Variants in MARCHF1 observed in about 807,000 individuals in gnomAD.
MARCHF1 encodes E3 ubiquitin-protein ligase MARCHF1.
MARCHF1 carries 40 observed loss-of-function variants against 54.2 expected under a neutral mutation model. That is an observed-to-expected ratio of 0.74 (90% CI 0.57 to 0.96). The LOEUF (loss-of-function observed/expected upper bound fraction) is 0.96, where lower values mean the gene tolerates loss of function less well. MARCHF1 is among the 40% of genes least tolerant of loss of function. The probability of loss-of-function intolerance (pLI) is 0.00; values close to 1 mark genes in which losing one functional copy is unlikely to be tolerated. For synonymous variants in MARCHF1, 236 were observed against 236.3 expected, an observed-to-expected ratio of 1.00 and a Z score of 0.01; for missense variants, 586 against 656.5, an observed-to-expected ratio of 0.89 and a Z score of 1.17.
chr4:163,607,350 C>A (rs760065882), intron 7 of MARCHF1, among the ~76,000 whole-genome samples: 3 of 152,012 alleles, frequency 2.0e-5, no homozygotes, highest in Non-Finnish European at 4.4e-5. Context: ...AAACTAGTAT[C>A]TGGAGAAAGA....
intron 1 of MARCHF1, among the ~76,000 whole-genome samples, chr4:164,126,234 C>G (rs1046376800): frequency 1.3e-5 from 2 of 152,044 alleles, no homozygotes; most frequent in African/African-American, 4.8e-5. Flanking sequence ...AGGGCAGAGC[C>G]CTCATGAATG....
intron 1 of MARCHF1, among the ~76,000 whole-genome samples, chr4:164,350,437 G>A (rs1052083033): frequency 6.6e-6 from 1 of 152,108 alleles, no homozygotes; most frequent in Non-Finnish European, 1.5e-5. Flanking sequence ...AGTGTTCTAT[G>A]ACACCATAGG....
intron 1 of MARCHF1, among the ~76,000 whole-genome samples, chr4:164,154,315 C>A (rs1730019318): frequency 6.6e-6 from 1 of 152,128 alleles, no homozygotes; most frequent in Non-Finnish European, 1.5e-5. Flanking sequence ...AGAAATGGAA[C>A]AAAGTCTAAA....
At chr4:163,723,672 A>T (rs1043196736) in intron 4 of MARCHF1, among the ~76,000 whole-genome samples, 1 of 152,144 alleles carries the variant, frequency 6.6e-6, no homozygotes, top group Non-Finnish European at 1.5e-5. Flanking sequence ...AAACAGATGT[A>T]GATTTGGTCT....
chr4:163,632,906 G>T (rs958710142), intron 5 of MARCHF1, among the ~76,000 whole-genome samples: 1 of 152,012 alleles, frequency 6.6e-6, no homozygotes, highest in African/African-American at 2.4e-5. Context: ...ATCTGAGAAC[G>T]GGCAGACTGC....
chr4:163,766,518 GCA>G (rs1561065815), intron 4 of MARCHF1, among the ~76,000 whole-genome samples: 1 of 152,118 alleles, frequency 6.6e-6, no homozygotes, highest in Non-Finnish European at 1.5e-5. Flanking sequence ...CAATATATTT[GCA>G]CAGACTCTGT....
In MARCHF1 at chr4:163,749,071, CT is replaced by C. The variant is rs372018311; in HGVS notation, c.112-48209del. On this transcript the variant is annotated intron_variant, in intron 4 of 9. Transcript: ENST00000514618. The stretch of plus-strand genomic sequence containing the variant: ...TGTATCTTTTTATATTTATTTAAAT[CT>C]TTTTTTCCCTGTAGTTGCTCATTGT... Among the ~76,000 whole-genome samples, 84 of 152,058 alleles carry C rather than the reference CT, an allele frequency of 5.5e-4. No individual in the cohort carries two copies. The South Asian group carries it at 0.016, about 28-fold the overall frequency.
chr4:163,588,443 A>G (rs1367464186), intron 7 of MARCHF1, among the ~76,000 whole-genome samples: 2 of 152,214 alleles, frequency 1.3e-5, no homozygotes, highest in East Asian at 3.8e-4. Flanking sequence ...ATGACTTATT[A>G]CAAAAGCAGC....
chr4:163,667,630 CTT>C, intron 5 of MARCHF1, among the ~76,000 whole-genome samples: 1 of 146,028 alleles, frequency 6.8e-6, no homozygotes. Flanking sequence ...ATTATACAAA[CTT>C]TTTTTTTTTT....
intron 2 of MARCHF1, among the ~76,000 whole-genome samples, chr4:164,074,505 C>G (rs116619996): frequency 0.011 from 1,650 of 152,158 alleles, 25 homozygotes; most frequent in African/African-American, 0.037. Context: ...ATATAAATAG[C>G]ATAAAAATTC....
chr4:164,274,570 G>C lies in MARCHF1; in HGVS notation c.-323+109300C>G, dbSNP rs1407189931. On this transcript the variant is annotated intron_variant, in intron 1 of 9. Coordinates refer to ENST00000514618, the MANE Select transcript of MARCHF1 (RefSeq NM_001394959.1). ...GTTCATATTTGTCAGTGCAAGTAAA[G>C]AGACTTAGTGCTGATTAGGTTTGAG... 2.0e-5 allele frequency among the ~76,000 whole-genome samples: 3 copies of C among 148,694 alleles called. No individual in the cohort carries two copies. The East Asian group carries it at 6.0e-4, about 30-fold the overall frequency.
At chr4:164,082,025 A>C (rs1455809166) in intron 2 of MARCHF1, among the ~76,000 whole-genome samples, 1 of 152,162 alleles carries the variant, frequency 6.6e-6, no homozygotes, top group Non-Finnish European at 1.5e-5. Context: ...AATCCTGTCT[A>C]CCTTGCCAAC....
chr4:164,008,403 A>G (rs1177914337), intron 2 of MARCHF1, among the ~76,000 whole-genome samples: 1 of 152,046 alleles, frequency 6.6e-6, no homozygotes, highest in Admixed American at 6.6e-5. Flanking sequence ...TTAACACCAC[A>G]CTCTCAGTAA....
intron 2 of MARCHF1, chr4:163,988,952 T>C (rs1752920484): frequency 6.6e-6 from 1 of 152,162 alleles, no homozygotes; most frequent in African/African-American, 2.4e-5. Context: ...TGGTACCTAA[T>C]AACTGTCATG....
intron 2 of MARCHF1, among the ~76,000 whole-genome samples, chr4:164,045,155 T>TA (rs1754215201): frequency 6.6e-6 from 1 of 151,528 alleles, no homozygotes; most frequent in Non-Finnish European, 1.5e-5. Context: ...TAAACAACAA[T>TA]AAAAAAGGGC....
Position 163,610,392 on chromosome 4 carries a change from T to C in MARCHF1, c.1010+1879A>G, listed in dbSNP as rs143438497. Among the ~76,000 whole-genome samples, 198 of 152,234 alleles carry C rather than the reference T, an allele frequency of 1.3e-3. 1 individual carries two copies. Among genetic ancestry groups the C allele is most frequent in the Non-Finnish European group, 1.3e-3 (85 of 67,992 alleles). On this transcript the variant is annotated intron_variant, in intron 7 of 9. Transcript: ENST00000514618. ...ACCTATTGGCTCATCTATCTCACTT[T>C]CATTAATAGAAGTCTAAATTAAATA... is the stretch of plus-strand genomic sequence containing the variant.
At chr4:163,743,969 G>A (rs1288717457) in intron 4 of MARCHF1, among the ~76,000 whole-genome samples, 1 of 152,152 alleles carries the variant, frequency 6.6e-6, no homozygotes, top group Non-Finnish European at 1.5e-5. Context: ...CTGGTTAGGT[G>A]TTTGCAATAA....
chr4:163,797,816 T>C (rs1025331363), intron 4 of MARCHF1, among the ~76,000 whole-genome samples: 4 of 152,186 alleles, frequency 2.6e-5, no homozygotes, highest in African/African-American at 9.6e-5. Context: ...CAGTATTCTA[T>C]GCCCAATAAT....
chr4:164,045,089 T>C (rs1002230399), intron 2 of MARCHF1, among the ~76,000 whole-genome samples: 1 of 151,798 alleles, frequency 6.6e-6, no homozygotes, highest in Non-Finnish European at 1.5e-5. Flanking sequence ...ATCAATACTA[T>C]GGCATAATAA....
Sources: gnomAD v4.1 joint callset for allele counts (sites outside exome capture counted in the v4.1 genomes callset) on GRCh38, gnomAD v4.1.1 for gene constraint, MANE v1.5 for transcripts, NCBI Gene and HGNC (gene_info 2026-07-23, HGNC 2026-07-21) for gene names.